Variants in NRXN3 observed in about 807,000 individuals in gnomAD.
NRXN3 encodes the protein neurexin 3, also known as neurexin III.
In NRXN3, 32 loss-of-function variants were observed where a neutral mutation model predicts 137.6. The observed-to-expected ratio is 0.23, with a 90% CI of 0.18 to 0.31. The LOEUF is 0.31. NRXN3 is among the 10% of genes least tolerant of loss of function. The pLI is 1.00. For synonymous variants in NRXN3, 798 were observed against 784.5 expected, an observed-to-expected ratio of 1.02 and a Z score of -0.29; for missense variants, 1,574 against 2,062.5, an observed-to-expected ratio of 0.76 and a Z score of 4.59.
intron 4 of NRXN3, among the ~76,000 whole-genome samples, chr14:78,483,087 C>T (rs1408662188): frequency 6.6e-6 from 1 of 152,044 alleles, no homozygotes; most frequent in Non-Finnish European, 1.5e-5. Context: ...AAGGGCATTT[C>T]TAGTAGTCCT....
chr14:78,260,578 G>A (rs1266596817), intron 2 of NRXN3, among the ~76,000 whole-genome samples: 2 of 152,172 alleles, frequency 1.3e-5, no homozygotes, highest in Non-Finnish European at 2.9e-5. Context: ...GAAGGGAGCC[G>A]GTGGGAGATA....
intron 15 of NRXN3, among the ~76,000 whole-genome samples, chr14:79,184,542 C>G (rs757988873): frequency 7.9e-5 from 12 of 152,100 alleles, no homozygotes; most frequent in Non-Finnish European, 1.6e-4. Flanking sequence ...ATTCTGGTCT[C>G]GTCACAGACA....
chr14:79,147,976 T>C (rs2059448982), intron 15 of NRXN3, among the ~76,000 whole-genome samples: 1 of 152,110 alleles, frequency 6.6e-6, no homozygotes, highest in South Asian at 2.1e-4. Context: ...TTCTGGAATT[T>C]GTGGTCCTTC....
intron 4 of NRXN3, among the ~76,000 whole-genome samples, chr14:78,643,439 A>G (rs2097654934): frequency 6.6e-6 from 1 of 152,248 alleles, no homozygotes; most frequent in South Asian, 2.1e-4. Context: ...GAAGTAGACC[A>G]TTCTAAGTAA....
chr14:78,551,875 T>C (rs2096694543), intron 4 of NRXN3, among the ~76,000 whole-genome samples: 1 of 152,108 alleles, frequency 6.6e-6, no homozygotes, highest in Non-Finnish European at 1.5e-5. Flanking sequence ...GGCAAGTCTT[T>C]CTGTAAGAAA....
At chr14:79,678,468 C>T (rs950361176) in intron 17 of NRXN3, among the ~76,000 whole-genome samples, 5 of 152,138 alleles carry the variant, frequency 3.3e-5, no homozygotes, top group Admixed American at 1.3e-4. Flanking sequence ...GAAGTCTACA[C>T]GTCTTTGCTG....
chr14:78,683,377 G>A (rs529618065), intron 6 of NRXN3, among the ~76,000 whole-genome samples: 7 of 152,228 alleles, frequency 4.6e-5, no homozygotes, highest in African/African-American at 1.2e-4. Flanking sequence ...TCATTCATCC[G>A]AATTAGCTTG....
intron 16 of NRXN3, among the ~76,000 whole-genome samples, chr14:79,508,927 C>T (rs2096905838): frequency 6.6e-6 from 1 of 152,070 alleles, no homozygotes; most frequent in Non-Finnish European, 1.5e-5. Context: ...CATGCTGGCT[C>T]ATGCCTATAA....
intron 9 of NRXN3, among the ~76,000 whole-genome samples, chr14:78,809,727 G>A (rs951675652): frequency 6.6e-6 from 1 of 152,114 alleles, no homozygotes; most frequent in Non-Finnish European, 1.5e-5. Flanking sequence ...AGGAGAGGGT[G>A]GAGGGAGTTT....
chr14:78,962,631 A>G (rs1597951447), intron 11 of NRXN3, among the ~76,000 whole-genome samples: 1 of 152,192 alleles, frequency 6.6e-6, no homozygotes, highest in Non-Finnish European at 1.5e-5. Flanking sequence ...GTGCAATAAT[A>G]TACTTATTTT....
At chr14:79,385,028 T>C (rs1348294103) in intron 15 of NRXN3, among the ~76,000 whole-genome samples, 1 of 152,200 alleles carries the variant, frequency 6.6e-6, no homozygotes, top group Non-Finnish European at 1.5e-5. Context: ...TTTAAGACTT[T>C]GATTATGATA....
At chr14:79,203,763 AG>A (rs1227097280) in intron 15 of NRXN3, among the ~76,000 whole-genome samples, 1 of 152,206 alleles carries the variant, frequency 6.6e-6, no homozygotes, top group African/African-American at 2.4e-5. Context: ...CACCTTCTTA[AG>A]GCTAGTTGTA....
At chr14:79,038,223 T>A (rs532464113) in intron 15 of NRXN3, among the ~76,000 whole-genome samples, 116 of 152,060 alleles carry the variant, frequency 7.6e-4, no homozygotes, top group African/African-American at 2.5e-3. Context: ...AGAACGTTAT[T>A]TTTTCTCCAC....
At chr14:79,632,541 CAT>C (rs1239950105) in intron 16 of NRXN3, 1 of 152,134 alleles carries the variant, frequency 6.6e-6, no homozygotes, top group Non-Finnish European at 1.5e-5. Flanking sequence ...AGGAAGGAAT[CAT>C]ATGTGGTTGT....
chr14:79,006,781 T>C (rs1300888877), intron 15 of NRXN3, among the ~76,000 whole-genome samples: 1 of 152,118 alleles, frequency 6.6e-6, no homozygotes, highest in Non-Finnish European at 1.5e-5. Flanking sequence ...CCCTGATTGA[T>C]TATAATTTTA....
chr14:79,461,813 G>A (rs928304791), intron 15 of NRXN3, among the ~76,000 whole-genome samples: 5 of 152,152 alleles, frequency 3.3e-5, no homozygotes, highest in Non-Finnish European at 7.3e-5. Flanking sequence ...ATGTGGATAA[G>A]CTTGTGAAAG....
chr14:79,704,290 C>T (rs1410467273), intron 19 of NRXN3, among the ~76,000 whole-genome samples: 1 of 152,156 alleles, frequency 6.6e-6, no homozygotes, highest in Non-Finnish European at 1.5e-5. Flanking sequence ...CAGACTAGAA[C>T]CTCAGATATT....
chr14:78,829,117 G>A (rs1325504825), intron 10 of NRXN3, among the ~76,000 whole-genome samples: 1 of 152,058 alleles, frequency 6.6e-6, no homozygotes, highest in Non-Finnish European at 1.5e-5. Context: ...ACACCAGTAC[G>A]GTTGAGAAGG....
At chr14:79,732,408 C>T (rs2098927291) in intron 19 of NRXN3, among the ~76,000 whole-genome samples, 1 of 152,086 alleles carries the variant, frequency 6.6e-6, no homozygotes, top group Non-Finnish European at 1.5e-5. Context: ...GGGAAAGGGC[C>T]GTTTCACAGA....
Sources: gnomAD v4.1 joint callset for allele counts (sites outside exome capture counted in the v4.1 genomes callset) on GRCh38, gnomAD v4.1.1 for gene constraint, MANE v1.5 for transcripts, NCBI Gene and HGNC (gene_info 2026-07-23, HGNC 2026-07-21) for gene names.